RAB8B: variants seen among roughly 807,000 people sequenced by gnomAD.
RAB8B encodes ras-related protein Rab-8B.
In RAB8B, 11 loss-of-function variants were observed where a neutral mutation model predicts 32.0. The ratio of observed to expected loss-of-function variants is 0.34; its 90% CI spans 0.22 to 0.57. The LOEUF is 0.57. RAB8B is among the 20% of genes least tolerant of loss of function. The pLI, the probability that RAB8B is intolerant of heterozygous loss-of-function variation, is 0.86. For missense variants in RAB8B, 190 were observed against 258.5 expected, an observed-to-expected ratio of 0.73 and a Z score of 1.82; for synonymous variants, 103 against 89.6, an observed-to-expected ratio of 1.15 and a Z score of -0.85.
In RAB8B at chr15:63,265,373, T is replaced by C. The variant is rs911319485; in HGVS notation, c.*1754T>C. 6.6e-6 allele frequency: 1 copy of C among 151,894 alleles called. No individual in the cohort carries two copies. Among genetic ancestry groups the C allele is most frequent in the Non-Finnish European group, 1.5e-5 (1 of 67,996 alleles). 9.4% of individuals were successfully genotyped at this position (151,894 alleles called of 1,614,324 possible). A position where few individuals can be genotyped will look rare whatever the true frequency, so the allele number is the denominator to read the frequency against. On this transcript the variant is annotated 3_prime_UTR_variant, in exon 8 of 8. Transcript: ENST00000321437. This position sits in a 1 kb window ranked among gnomAD's most constrained non-coding sequence, Gnocchi z 4.9. ...TATTGTTGACAAATTTCAGCCTCCT[T>C]AATTTTTTTTTTTTTGGTAATTACC...
Position 63,255,515 on chromosome 15 carries a change from G to T in RAB8B, c.255G>T (p.Met85Ile). ...ATTTTTCCCCCTTATAGGGCATTAT[G>T]CTGGTCTATGACATCACAAATGAAA... ...TAYYRGAMGI[M>I]LVYDITNEKS... The change falls in exon 4 of 8, where the codon ATG becomes ATT. Residue 85 changes from methionine to isoleucine, a missense_variant. This residue lies in a region of RAB8B where 80 missense variants were observed against 142.6 expected (regional missense o/e 0.56). Coordinates refer to ENST00000321437, the MANE Select transcript of RAB8B (RefSeq NM_016530.3). 6.3e-7 allele frequency: 1 copy of T among 1,598,736 alleles called. No individual in the cohort carries two copies. Among genetic ancestry groups the T allele is most frequent in the African/African-American group, 1.3e-5 (1 of 74,666 alleles).
At chr15:63,251,150 G>T (rs868614534) in intron 3 of RAB8B, 2 of 400,810 alleles carry the variant, frequency 5.0e-6, no homozygotes, top group Middle Eastern at 5.8e-4. Context: ...ATACTTTTAA[G>T]ATTGTGAAGG....
At chr15:63,245,023 A>G (rs2038060354) in intron 2 of RAB8B, among the ~76,000 whole-genome samples, 1 of 152,244 alleles carries the variant, frequency 6.6e-6, no homozygotes, top group South Asian at 2.1e-4. Context: ...TAACTGTTGA[A>G]GCCAGAAGAG....
intron 1 of RAB8B, among the ~76,000 whole-genome samples, chr15:63,221,876 G>A (rs1380143663): frequency 1.3e-5 from 2 of 152,168 alleles, no homozygotes; most frequent in Non-Finnish European, 2.9e-5. Context: ...CTTGATGTTT[G>A]TGGAGGCATG....
intron 3 of RAB8B, among the ~76,000 whole-genome samples, chr15:63,253,142 A>C (rs539970755): frequency 2.6e-4 from 40 of 152,338 alleles, no homozygotes; most frequent in African/African-American, 8.7e-4. Flanking sequence ...TGAGGCTGGA[A>C]GAAGGGAGGA....
At chr15:63,218,101 T>C (rs1012288029) in intron 1 of RAB8B, among the ~76,000 whole-genome samples, 2 of 148,624 alleles carry the variant, frequency 1.3e-5, no homozygotes, top group African/African-American at 4.9e-5. Flanking sequence ...TTATCTGTTC[T>C]TTTTTTTTTA....
chr15:63,236,074 C>G (rs923781347), intron 1 of RAB8B, among the ~76,000 whole-genome samples: 3 of 152,166 alleles, frequency 2.0e-5, no homozygotes, highest in Non-Finnish European at 4.4e-5. Flanking sequence ...TGCTGCATCT[C>G]TCTTGGCCTC....
chr15:63,246,767 T>C lies in RAB8B; in HGVS notation c.185+1951T>C, dbSNP rs536637780. On this transcript the variant is annotated intron_variant, in intron 2 of 7. Transcript: ENST00000321437. Reference sequence around the variant, plus strand: ...TCTCCCTTCTCCAGAGGTCGAATGGTAGGACTGAAAGTTCCAGCCCGCTTA... The same window carrying C: ...TCTCCCTTCTCCAGAGGTCGAATGGCAGGACTGAAAGTTCCAGCCCGCTTA... 2.0e-5 allele frequency among the ~76,000 whole-genome samples: 3 copies of C among 152,314 alleles called. No individual in the cohort carries two copies. The East Asian group carries it at 5.8e-4, about 29-fold the overall frequency.
chr15:63,223,480 A>C lies in RAB8B; in HGVS notation c.125-21276A>C, dbSNP rs371128868. 3.3e-5 allele frequency among the ~76,000 whole-genome samples: 5 copies of C among 152,178 alleles called. No individual in the cohort carries two copies. In the East Asian group the frequency reaches 7.7e-4, roughly 23 times the overall value. ...TGTTTAGATATGTTTAAACACACAAATACTTACCATTGTGTTACAGTTGCA... is the reference window on the plus strand; with the variant it reads ...TGTTTAGATATGTTTAAACACACAACTACTTACCATTGTGTTACAGTTGCA... On this transcript the variant is annotated intron_variant, in intron 1 of 7. Transcript: ENST00000321437.
intron 1 of RAB8B, 46 bp from the exon 2 acceptor site, chr15:63,244,710 T>C (rs1230166121): frequency 6.9e-7 from 1 of 1,442,192 alleles, no homozygotes; most frequent in African/African-American, 1.4e-5. Context: ...GAGACTTGGA[T>C]TATATCTGAA....
At chr15:63,191,794 A>G (rs1346611331) in intron 1 of RAB8B, among the ~76,000 whole-genome samples, 1 of 152,076 alleles carries the variant, frequency 6.6e-6, no homozygotes, top group African/African-American at 2.4e-5. Flanking sequence ...GCTTGTTTGT[A>G]ATAGTTTTAT....
chr15:63,212,911 A>T (rs564736348), intron 1 of RAB8B, among the ~76,000 whole-genome samples: 67 of 152,374 alleles, frequency 4.4e-4, no homozygotes, highest in South Asian at 3.9e-3. Flanking sequence ...CCTTGCTTGC[A>T]TGCACATTTT....
intron 1 of RAB8B, among the ~76,000 whole-genome samples, chr15:63,229,553 G>A (rs373590732): frequency 1.4e-4 from 21 of 152,196 alleles, no homozygotes; most frequent in African/African-American, 4.6e-4. Context: ...AGACCAAGGC[G>A]GGCAGATTGC....
At chr15:63,247,541 G>A (rs1200164161) in intron 2 of RAB8B, among the ~76,000 whole-genome samples, 1 of 152,130 alleles carries the variant, frequency 6.6e-6, no homozygotes, top group African/African-American at 2.4e-5. Context: ...ATTTCTTTCA[G>A]TTCAGTGCCT....
intron 1 of RAB8B, among the ~76,000 whole-genome samples, chr15:63,200,648 CA>C (rs1165302478): frequency 0.088 from 6,621 of 75,582 alleles, 218 homozygotes; most frequent in East Asian, 0.27. Context: ...CATGACAAGA[CA>C]AAAAAAAAAA....
chr15:63,257,798 T>C (rs570885612), intron 5 of RAB8B, among the ~76,000 whole-genome samples: 12 of 151,608 alleles, frequency 7.9e-5, no homozygotes, highest in African/African-American at 2.7e-4. Flanking sequence ...CAGTGGCTCA[T>C]ACCTGTCATC....
At chr15:63,204,224 G>T (rs1468332694) in intron 1 of RAB8B, among the ~76,000 whole-genome samples, 1 of 152,094 alleles carries the variant, frequency 6.6e-6, no homozygotes, top group Non-Finnish European at 1.5e-5. Flanking sequence ...TAAAATTTAG[G>T]ACTACGTGCA....
intron 1 of RAB8B, among the ~76,000 whole-genome samples, chr15:63,234,287 G>A (rs945556076): frequency 2.0e-5 from 3 of 152,180 alleles, no homozygotes; most frequent in African/African-American, 7.2e-5. Flanking sequence ...CCACACTCCA[G>A]CAATGGTATC....
intron 1 of RAB8B, among the ~76,000 whole-genome samples, chr15:63,206,834 C>T (rs918348317): frequency 1.3e-5 from 2 of 152,100 alleles, no homozygotes; most frequent in Admixed American, 6.6e-5. Flanking sequence ...CACTCATTAA[C>T]CCCTCAAAGT....
Sources: allele counts gnomAD v4.1 joint callset (sites outside exome capture counted in the v4.1 genomes callset), GRCh38; gene constraint gnomAD v4.1.1; regional missense constraint gnomAD v4.1.1; non-coding constraint Gnocchi (gnomAD v3.1); transcripts MANE v1.5; gene names NCBI Gene and HGNC (gene_info 2026-07-23, HGNC 2026-07-21).